Variants in CFAP299 observed in about 807,000 individuals in gnomAD.
CFAP299 encodes the protein cilia and flagella associated protein 299, also known as cilia- and flagella-associated protein 299.
A neutral mutation model predicts 27.0 loss-of-function variants in CFAP299; 21 were observed. That is an observed-to-expected ratio of 0.78 (90% confidence interval 0.55 to 1.12). The LOEUF (loss-of-function observed/expected upper bound fraction) is 1.12. CFAP299 is among the 50% of genes most tolerant of loss of function. The pLI, the probability that CFAP299 is intolerant of heterozygous loss-of-function variation, is 0.00. For synonymous variants in CFAP299, 104 were observed against 98.1 expected (o/e 1.06, Z -0.36); for missense variants, 310 against 276.6 (o/e 1.12, Z -0.86).
At chr4:80,572,667 G>A (rs566346731) in intron 2 of CFAP299, among the ~76,000 whole-genome samples, 6 of 151,444 alleles carry the variant, frequency 4.0e-5, no homozygotes, top group African/African-American at 4.8e-5. Context: ...ACAGACATGC[G>A]TCACCACGCT....
chr4:80,687,073 C>T (rs1048999000), intron 3 of CFAP299, among the ~76,000 whole-genome samples: 2 of 152,194 alleles, frequency 1.3e-5, no homozygotes, highest in Non-Finnish European at 2.9e-5. Context: ...ACATTCAAGT[C>T]ATTCCAACAT....
At chr4:80,371,939 A>G (rs1359522476) in intron 2 of CFAP299, among the ~76,000 whole-genome samples, 1 of 152,088 alleles carries the variant, frequency 6.6e-6, no homozygotes, top group Non-Finnish European at 1.5e-5. Flanking sequence ...CACATTTTCT[A>G]TTATCTTTAT....
At position 80,467,933 on chromosome 4, in the gene CFAP299, G is replaced by A. The variant is rs554863286; in HGVS notation, c.242+105049G>A. Among the ~76,000 whole-genome samples, 427 of 152,198 alleles carry A rather than the reference G, an allele frequency of 2.8e-3. 1 individual carries two copies. Among genetic ancestry groups the A allele is most frequent in the Non-Finnish European group, 3.1e-3 (208 of 67,996 alleles). On this transcript the variant is annotated intron_variant, in intron 2 of 5. Transcript: ENST00000358105. ...GATCTCATGAGAACTCACTCATCAC[G>A]AGAACATCATAGGGAAAACTATCCC...
chr4:80,921,126 C>T lies in CFAP299; in HGVS notation c.477-23684C>T, dbSNP rs141023056. ...CCCAATAGGTTTGGGGAGAACAGTT[C>T]GGTATACTCTCGACACATCATTTAT... is the stretch of plus-strand genomic sequence containing the variant. On this transcript the variant is annotated intron_variant, in intron 4 of 5. Coordinates refer to ENST00000358105, the MANE Select transcript of CFAP299 (RefSeq NM_152770.3). Among the ~76,000 whole-genome samples the T allele has an allele frequency of 5.8e-4, 88 of 152,088 alleles. 1 individual carries two copies. Among genetic ancestry groups the T allele is most frequent in the Admixed American group, 5.3e-3 (81 of 15,222 alleles).
At chr4:80,756,970 A>G (rs1424014767) in intron 3 of CFAP299, among the ~76,000 whole-genome samples, 1 of 152,214 alleles carries the variant, frequency 6.6e-6, no homozygotes, top group African/African-American at 2.4e-5. Context: ...GACATTCACG[A>G]TTACATTAAG....
intron 3 of CFAP299, among the ~76,000 whole-genome samples, chr4:80,833,221 T>C (rs771496369): frequency 6.6e-6 from 1 of 152,182 alleles, no homozygotes; most frequent in Non-Finnish European, 1.5e-5. Flanking sequence ...CATAAACTTG[T>C]TTTATGTAAT....
chr4:80,871,500 T>C (rs1733094654), intron 4 of CFAP299: 3 of 985,408 alleles, frequency 3.0e-6, no homozygotes, highest in Non-Finnish European at 2.4e-6. Context: ...TTAAAACTTA[T>C]GTTCAAAATT....
chr4:80,753,449 T>C (rs1309914423), intron 3 of CFAP299, among the ~76,000 whole-genome samples: 2 of 152,180 alleles, frequency 1.3e-5, no homozygotes, highest in African/African-American at 4.8e-5. Context: ...TAGTAGTTTG[T>C]ATATGATATT....
At chr4:80,948,083 G>A (rs1578260479) in intron 5 of CFAP299, among the ~76,000 whole-genome samples, 1 of 152,200 alleles carries the variant, frequency 6.6e-6, no homozygotes, top group African/African-American at 2.4e-5. Context: ...TCTCCTTCAT[G>A]TACCCTCTTT....
intron 4 of CFAP299, among the ~76,000 whole-genome samples, chr4:80,877,775 T>C (rs114229011): frequency 8.3e-4 from 127 of 152,232 alleles, no homozygotes; most frequent in African/African-American, 2.8e-3. Context: ...TTTTTATTAT[T>C]AATTTTTTTT....
At chr4:80,864,247 G>T (rs1732554061) in intron 3 of CFAP299, among the ~76,000 whole-genome samples, 2 of 151,392 alleles carry the variant, frequency 1.3e-5, no homozygotes. Context: ...TTATTCTTAA[G>T]TCTATAGGGC....
intron 5 of CFAP299, among the ~76,000 whole-genome samples, chr4:80,948,142 G>A (rs926142993): frequency 6.6e-6 from 1 of 152,090 alleles, no homozygotes; most frequent in Non-Finnish European, 1.5e-5. Context: ...ATGAAAGGTG[G>A]AAACAGTGAT....
intron 3 of CFAP299, among the ~76,000 whole-genome samples, chr4:80,643,514 C>G (rs1378512517): frequency 1.3e-5 from 2 of 152,144 alleles, no homozygotes; most frequent in East Asian, 3.9e-4. Context: ...AGAAAATCAA[C>G]TAGAGAAGAA....
At chr4:80,638,426 C>G (rs1357275065) in intron 3 of CFAP299, among the ~76,000 whole-genome samples, 2 of 152,084 alleles carry the variant, frequency 1.3e-5, no homozygotes, top group Non-Finnish European at 2.9e-5. Flanking sequence ...TGATAGGTCT[C>G]CCTTGATGAG....
At chr4:80,800,340 AATATATAAT>A (rs1728384170) in intron 3 of CFAP299, among the ~76,000 whole-genome samples, 1 of 72,168 alleles carries the variant, frequency 1.4e-5, no homozygotes, top group African/African-American at 6.0e-5. Flanking sequence ...TAATATATAT[AATATATAAT>A]ATATATGATA....
At chr4:80,703,334 T>C (rs764565576) in intron 3 of CFAP299, among the ~76,000 whole-genome samples, 1 of 151,774 alleles carries the variant, frequency 6.6e-6, no homozygotes, top group Non-Finnish European at 1.5e-5. Flanking sequence ...TGTGCTAATA[T>C]GGTCCCTAGA....
intron 3 of CFAP299, among the ~76,000 whole-genome samples, chr4:80,769,470 C>A (rs1252350139): frequency 1.3e-5 from 2 of 152,114 alleles, no homozygotes; most frequent in Non-Finnish European, 2.9e-5. Context: ...TCTCGACTCA[C>A]TGCAGCCTCC....
chr4:80,859,372 A>C (rs1032670598), intron 3 of CFAP299, among the ~76,000 whole-genome samples: 2 of 152,150 alleles, frequency 1.3e-5, no homozygotes, highest in African/African-American at 2.4e-5. Flanking sequence ...CCAATTTGCC[A>C]GTCTGTGTCT....
chr4:80,787,829 G>T (rs553632656), intron 3 of CFAP299, among the ~76,000 whole-genome samples: 11 of 151,018 alleles, frequency 7.3e-5, no homozygotes, highest in African/African-American at 2.7e-4. Flanking sequence ...TCTATTTTTG[G>T]TCATGCTATC....
Sources: gnomAD v4.1 joint callset for allele counts (sites outside exome capture counted in the v4.1 genomes callset) on GRCh38, gnomAD v4.1.1 for gene constraint, MANE v1.5 for transcripts, NCBI Gene and HGNC (gene_info 2026-07-23, HGNC 2026-07-21) for gene names.